Variants in CSMD1 observed in about 807,000 individuals in gnomAD.
CSMD1 encodes CUB and sushi domain-containing protein 1.
In CSMD1, 213 loss-of-function variants were observed where a neutral mutation model predicts 417.5. The ratio of observed to expected loss-of-function variants is 0.51; its 90% CI spans 0.46 to 0.57. The LOEUF (loss-of-function observed/expected upper bound fraction) is 0.57, where lower values mean the gene tolerates loss of function less well. Among genes scored for constraint, CSMD1 ranks in the 20% least tolerant of loss-of-function variants. The pLI is 0.00. For synonymous variants in CSMD1, 2,862 were observed against 1,736.8 expected (o/e 1.65, Z -16.11); for missense variants, 6,923 against 4,529.7 (o/e 1.53, Z -15.17).
chr8:3,918,952 A>G (rs528409946), intron 5 of CSMD1, among the ~76,000 whole-genome samples: 103 of 152,134 alleles, frequency 6.8e-4, no homozygotes, highest in Non-Finnish European at 7.9e-4. Context: ...TGATGGGTAC[A>G]TCAAAATCTC....
chr8:3,604,598 A>AT (rs1347536679), intron 8 of CSMD1, among the ~76,000 whole-genome samples: 1 of 152,214 alleles, frequency 6.6e-6, no homozygotes, highest in Non-Finnish European at 1.5e-5. Context: ...AAGTATATAA[A>AT]TGATGACAAA....
chr8:3,621,198 C>A (rs369330054), intron 7 of CSMD1, among the ~76,000 whole-genome samples: 126 of 152,296 alleles, frequency 8.3e-4, no homozygotes, highest in Non-Finnish European at 1.4e-3. Context: ...GTTGTTTAAG[C>A]CACTCGGCGA....
intron 3 of CSMD1, among the ~76,000 whole-genome samples, chr8:4,148,771 T>A (rs759991163): frequency 6.6e-6 from 1 of 152,088 alleles, no homozygotes; most frequent in Non-Finnish European, 1.5e-5. Flanking sequence ...GCCATCACCC[T>A]GAGTTTAGAA....
intron 1 of CSMD1, among the ~76,000 whole-genome samples, chr8:4,762,508 G>C (rs903517506): frequency 6.6e-6 from 1 of 152,064 alleles, no homozygotes; most frequent in African/African-American, 2.4e-5. Flanking sequence ...ACATAGGTAA[G>C]CATATATGTC....
In CSMD1 at chr8:3,151,524, G is replaced by A. The variant is rs1407138010; in HGVS notation, c.5915-11C>T. 1 of 1,572,424 alleles carries A rather than the reference G, an allele frequency of 6.4e-7. No individual in the cohort carries two copies. The highest frequency in any genetic ancestry group is 8.7e-7 in the Non-Finnish European group (1 of 1,145,372). The stretch of plus-strand genomic sequence containing the variant: ...TCCCTCCACAGGTTGCTGTTAAGTG[G>A]ACAAGATGTCAGTCCTGCAGGTCCT... On this transcript the variant is annotated splice_polypyrimidine_tract_variant and intron_variant, in intron 39 of 69. Transcript: ENST00000635120.
intron 7 of CSMD1, among the ~76,000 whole-genome samples, chr8:3,696,983 G>C (rs1424938219): frequency 6.6e-6 from 1 of 152,060 alleles, no homozygotes; most frequent in Non-Finnish European, 1.5e-5. Flanking sequence ...AGATCGTAGG[G>C]GCCCCAGGAT....
intron 27 of CSMD1, among the ~76,000 whole-genome samples, chr8:3,229,022 A>G (rs138779844): frequency 6.6e-6 from 1 of 152,272 alleles, no homozygotes; most frequent in East Asian, 1.9e-4. Flanking sequence ...TGATAAGGAC[A>G]GCTATCCAAC....
intron 3 of CSMD1, among the ~76,000 whole-genome samples, chr8:4,085,848 G>A (rs990237586): frequency 2.0e-5 from 3 of 152,134 alleles, no homozygotes; most frequent in African/African-American, 7.2e-5. Flanking sequence ...TGTCCCCAGA[G>A]TTTCCCTGTC....
intron 10 of CSMD1, among the ~76,000 whole-genome samples, chr8:3,571,489 G>C (rs1048603686): frequency 6.6e-6 from 1 of 152,154 alleles, no homozygotes; most frequent in Non-Finnish European, 1.5e-5. Flanking sequence ...GATTTACCAA[G>C]ACTCCTCTGC....
intron 3 of CSMD1, among the ~76,000 whole-genome samples, chr8:4,183,714 G>A (rs942655099): frequency 1.3e-5 from 2 of 152,210 alleles, no homozygotes; most frequent in Non-Finnish European, 2.9e-5. Flanking sequence ...ATCAAATGAT[G>A]AAAAATAATA....
At chr8:4,160,927 G>C (rs944638188) in intron 3 of CSMD1, among the ~76,000 whole-genome samples, 1 of 152,072 alleles carries the variant, frequency 6.6e-6, no homozygotes, top group East Asian at 1.9e-4. Flanking sequence ...TATTACTTGA[G>C]GCCACTGCAT....
intron 57 of CSMD1, among the ~76,000 whole-genome samples, chr8:2,972,822 C>T (rs988582634): frequency 6.6e-6 from 1 of 152,124 alleles, no homozygotes; most frequent in Admixed American, 6.5e-5. Flanking sequence ...CTGCCAGGAT[C>T]TAGAAAACAC....
At chr8:4,027,914 A>C (rs1489471941) in intron 4 of CSMD1, among the ~76,000 whole-genome samples, 2 of 152,196 alleles carry the variant, frequency 1.3e-5, no homozygotes, top group Non-Finnish European at 2.9e-5. Flanking sequence ...GAGAGTGAGA[A>C]TGTAATGGAA....
intron 23 of CSMD1, among the ~76,000 whole-genome samples, chr8:3,316,000 C>G (rs148939406): frequency 1.3e-5 from 2 of 152,116 alleles, no homozygotes; most frequent in African/African-American, 4.8e-5. Context: ...TGAAATAATT[C>G]AAATTATTCA....
At chr8:4,114,190 G>C (rs1029740520) in intron 3 of CSMD1, among the ~76,000 whole-genome samples, 1 of 152,208 alleles carries the variant, frequency 6.6e-6, no homozygotes, top group African/African-American at 2.4e-5. Context: ...TCTATTAGGA[G>C]CTCATGCAGC....
At chr8:2,948,318 A>T (rs1454919364) in intron 68 of CSMD1, among the ~76,000 whole-genome samples, 1 of 152,060 alleles carries the variant, frequency 6.6e-6, no homozygotes, top group Non-Finnish European at 1.5e-5. Flanking sequence ...AATAGGCTCA[A>T]GAATATTGTG....
chr8:3,729,950 A>G lies in CSMD1; in HGVS notation c.932-21459T>C, dbSNP rs1435252259. On this transcript the variant is annotated intron_variant, in intron 6 of 69. Transcript: ENST00000635120. Reference sequence around the variant, plus strand: ...AAAAAAAAAAAAAAAAAAAAAAAAAAAAAAAAAAAAACAAAAACAGAAGAA... The same window carrying G: ...AAAAAAAAAAAAAAAAAAAAAAAAAGAAAAAAAAAAACAAAAACAGAAGAA... Among the ~76,000 whole-genome samples, 20 of 15,072 alleles carry G rather than the reference A, an allele frequency of 1.3e-3. 4 individuals are homozygous for G. Among genetic ancestry groups the G allele is most frequent in the Non-Finnish European group, 5.1e-3 (16 of 3,160 alleles). The allele number at this position is 15,072 out of a possible 152,430, so 9.9% of individuals were successfully genotyped here.
At chr8:3,116,723 C>A (rs1019617837) in intron 42 of CSMD1, among the ~76,000 whole-genome samples, 1 of 151,974 alleles carries the variant, frequency 6.6e-6, no homozygotes, top group Non-Finnish European at 1.5e-5. Context: ...CTTGAGAAAG[C>A]AATAAAATCA....
chr8:3,623,797 G>A (rs1430641467), intron 7 of CSMD1, among the ~76,000 whole-genome samples: 1 of 152,008 alleles, frequency 6.6e-6, no homozygotes, highest in African/African-American at 2.4e-5. Context: ...ACAACATGGA[G>A]AAACCCTGTC....
Sources: allele counts gnomAD v4.1 joint callset (sites outside exome capture counted in the v4.1 genomes callset), GRCh38; gene constraint gnomAD v4.1.1; transcripts MANE v1.5; gene names NCBI Gene and HGNC (gene_info 2026-07-23, HGNC 2026-07-21).